Variants in LEKR1 observed in about 807,000 individuals in gnomAD.
LEKR1 encodes leucine, glutamate and lysine rich 1, also known as protein LEKR1.
LEKR1 carries 59 observed loss-of-function variants against 72.4 expected under a neutral mutation model. That is an observed-to-expected ratio of 0.82 (90% CI 0.66 to 1.01). The LOEUF is 1.01. Ranked by LOEUF, LEKR1 falls within the 50% of genes least tolerant of loss-of-function variation. LEKR1 has a pLI of 0.00. For missense variants in LEKR1, 728 were observed against 759.2 expected, an observed-to-expected ratio of 0.96 and a Z score of 0.48; for synonymous variants, 257 against 263.2, an observed-to-expected ratio of 0.98 and a Z score of 0.23.
At chr3:156,900,580 G>T (rs977932056) in intron 3 of LEKR1, among the ~76,000 whole-genome samples, 1 of 152,102 alleles carries the variant, frequency 6.6e-6, no homozygotes, top group Non-Finnish European at 1.5e-5. Flanking sequence ...TTTCCTAATG[G>T]TATTACCAGT....
At chr3:156,944,073 C>A (rs1726468624) in intron 6 of LEKR1, among the ~76,000 whole-genome samples, 1 of 149,440 alleles carries the variant, frequency 6.7e-6, no homozygotes, top group Non-Finnish European at 1.5e-5. Context: ...TAAATTTTAC[C>A]ATATCGAAGT....
chr3:156,885,967 T>A (rs539162899), intron 3 of LEKR1, among the ~76,000 whole-genome samples: 1 of 152,296 alleles, frequency 6.6e-6, no homozygotes, highest in East Asian at 1.9e-4. Context: ...TGCCCTAAGA[T>A]GGCTAAGTTA....
intron 6 of LEKR1, among the ~76,000 whole-genome samples, chr3:156,972,606 G>A (rs1314469165): frequency 6.6e-6 from 1 of 151,248 alleles, no homozygotes; most frequent in Non-Finnish European, 1.5e-5. Context: ...TGAGACACTT[G>A]ATTGTAATTT....
intron 11 of LEKR1, among the ~76,000 whole-genome samples, chr3:157,025,549 C>T (rs1427595440): frequency 1.3e-5 from 2 of 152,106 alleles, no homozygotes; most frequent in East Asian, 3.9e-4. Context: ...AATTAAGCAT[C>T]AGACAAGACC....
At chr3:156,899,253 CAT>C (rs71141734) in intron 3 of LEKR1, among the ~76,000 whole-genome samples, 110,880 of 133,294 alleles carry the variant, frequency 0.83, 46,228 homozygotes, top group African/African-American at 0.87. Context: ...CATATATATA[CAT>C]ATATATATAT....
At chr3:156,847,855 A>G (rs1293785184) in intron 2 of LEKR1, among the ~76,000 whole-genome samples, 1 of 152,232 alleles carries the variant, frequency 6.6e-6, no homozygotes, top group Non-Finnish European at 1.5e-5. Context: ...TAGAAAACCT[A>G]TTCTCTAAAA....
chr3:156,925,292 A>G (rs1724604667), intron 4 of LEKR1: 1 of 133,344 alleles, frequency 7.5e-6, no homozygotes, highest in Non-Finnish European at 1.6e-5. Flanking sequence ...TTTGTTTATT[A>G]ATTCTAGTAT....
rs1405677128 is a variant in LEKR1 at position 156,920,526 on chromosome 3, A to T, written c.264-49A>T. ...AAGTATATTTAAATGTTAACTTGAA[A>T]ATTGTACATATGAGAGAATACTTAA... On this transcript the variant is annotated intron_variant, in intron 3 of 12. Coordinates refer to ENST00000356539, the MANE Select transcript of LEKR1 (RefSeq NM_001004316.3). The T allele has an allele frequency of 2.5e-6, 3 of 1,183,894 alleles. No homozygotes were observed. The Admixed American group carries it at 9.1e-5, about 36-fold the overall frequency. The allele number at this position is 1,183,894 out of a possible 1,614,324, so 73.3% of individuals were successfully genotyped here.
chr3:156,906,270 A>G (rs1722525582), intron 3 of LEKR1, among the ~76,000 whole-genome samples: 1 of 152,246 alleles, frequency 6.6e-6, no homozygotes, highest in Non-Finnish European at 1.5e-5. Context: ...GGACTATAAT[A>G]TCATTCTCTA....
chr3:156,993,309 T>C (rs770678966), intron 9 of LEKR1, 32 bp downstream of exon 9: 1 of 1,429,494 alleles, frequency 7.0e-7, no homozygotes, highest in Non-Finnish European at 9.6e-7. Context: ...TACAAAAACA[T>C]TTTATGTTTA....
intron 3 of LEKR1, among the ~76,000 whole-genome samples, chr3:156,890,474 A>C (rs1301677622): frequency 6.6e-6 from 1 of 152,226 alleles, no homozygotes. Flanking sequence ...GTGATTTACT[A>C]CTTTGTGAAT....
intron 6 of LEKR1, among the ~76,000 whole-genome samples, chr3:156,947,499 T>C (rs1433864783): frequency 6.6e-6 from 1 of 151,172 alleles, no homozygotes; most frequent in African/African-American, 2.4e-5. Flanking sequence ...AAAATGCATT[T>C]AATGCTGGCA....
intron 12 of LEKR1, among the ~76,000 whole-genome samples, chr3:157,032,073 G>T (rs1370481010): frequency 6.6e-6 from 1 of 151,986 alleles, no homozygotes; most frequent in Admixed American, 6.6e-5. Context: ...GAGGGAGGGA[G>T]AGAGAGTGAG....
chr3:156,938,229 T>C (rs1240490627), intron 5 of LEKR1, among the ~76,000 whole-genome samples: 1 of 152,122 alleles, frequency 6.6e-6, no homozygotes, highest in Non-Finnish European at 1.5e-5. Flanking sequence ...AATTTTCTAG[T>C]TTTGATAGTG....
intron 3 of LEKR1, among the ~76,000 whole-genome samples, chr3:156,868,082 G>T (rs920131520): frequency 6.6e-6 from 1 of 151,996 alleles, no homozygotes; most frequent in Non-Finnish European, 1.5e-5. Context: ...GCCTATAGAT[G>T]ACTGTCTGCC....
At chr3:156,959,653 T>C (rs1235646399) in intron 6 of LEKR1, among the ~76,000 whole-genome samples, 1 of 152,184 alleles carries the variant, frequency 6.6e-6, no homozygotes, top group African/African-American at 2.4e-5. Flanking sequence ...TTCTATACTG[T>C]GGCCTTTTAT....
At position 156,993,134 on chromosome 3, in the gene LEKR1, AG is replaced by A. The variant is rs1250857448; in HGVS notation, c.967del (p.Ala323HisfsTer6). The A allele has an allele frequency of 6.2e-7, 1 of 1,612,414 alleles. No individual in the cohort carries two copies. The highest frequency in any genetic ancestry group is 8.5e-7 in the Non-Finnish European group (1 of 1,179,136). On this transcript the variant is annotated frameshift_variant, in exon 9 of 13. Transcript: ENST00000356539. LOFTEE classifies it high-confidence loss of function. ...SLMTCQQIYK[A>X]LQEELTVKEK... is the part of the protein sequence containing the mutation. ...TAATGACTTGTCAACAGATATATAA[AG>A]CATTACAGGAAGAGCTGACTGTGAA... is the stretch of plus-strand genomic sequence containing the variant.
At chr3:156,951,903 G>T (rs1727187961) in intron 6 of LEKR1, among the ~76,000 whole-genome samples, 1 of 151,306 alleles carries the variant, frequency 6.6e-6, no homozygotes, top group African/African-American at 2.4e-5. Context: ...CTTTGGGGTT[G>T]ATTTGCTCTT....
chr3:157,037,692 C>A (rs1265742793), intron 12 of LEKR1, among the ~76,000 whole-genome samples: 1 of 152,112 alleles, frequency 6.6e-6, no homozygotes, highest in Non-Finnish European at 1.5e-5. Flanking sequence ...CTTATTTATG[C>A]ATTCATTTAA....
Sources: gnomAD v4.1 joint callset for allele counts (sites outside exome capture counted in the v4.1 genomes callset) on GRCh38, gnomAD v4.1.1 for gene constraint, MANE v1.5 for transcripts, NCBI Gene and HGNC (gene_info 2026-07-23, HGNC 2026-07-21) for gene names.